The following ARID1A variants were observed in gnomAD, a reference collection of about 807,000 sequenced individuals.
ARID1A encodes the protein AT-rich interactive domain-containing protein 1A.
A neutral mutation model predicts 212.6 loss-of-function variants in ARID1A; 20 were observed. The ratio of observed to expected loss-of-function variants is 0.09; its 90% CI spans 0.07 to 0.14. The LOEUF is 0.14. Among genes scored for constraint, ARID1A ranks in the 10% least tolerant of loss-of-function variants. ARID1A has a pLI of 1.00. For missense variants in ARID1A, 2,587 were observed against 3,059.0 expected, an observed-to-expected ratio of 0.85 and a Z score of 3.64; for synonymous variants, 1,376 against 1,222.1, an observed-to-expected ratio of 1.13 and a Z score of -2.63.
At chr1:26,777,393 ATT>A (rs773418013) in intron 19 of ARID1A, among the ~76,000 whole-genome samples, 33 of 136,274 alleles carry the variant, frequency 2.4e-4, no homozygotes, top group Admixed American at 2.2e-4. Flanking sequence ...TGCTCAGCTA[ATT>A]TTTTTTTTTT....
chr1:26,756,239 C>T (rs2124036934), intron 4 of ARID1A, among the ~76,000 whole-genome samples: 1 of 151,842 alleles, frequency 6.6e-6, no homozygotes, highest in East Asian at 1.9e-4. Context: ...TGGCAAGGCC[C>T]CATCTCTACA....
At position 26,697,058 on chromosome 1, in the gene ARID1A, C is replaced by T; in HGVS notation, c.655C>T (p.Arg219Cys). The T allele has an allele frequency of 6.6e-7, 1 of 1,525,990 alleles. No homozygotes were observed. The highest frequency in any genetic ancestry group is 8.8e-7 in the Non-Finnish European group (1 of 1,140,928). 94.5% of individuals were successfully genotyped at this position (1,525,990 alleles called of 1,614,324 possible). The change falls in exon 1 of 20, where the codon CGC becomes TGC. Residue 219 changes from arginine (R) to cysteine (C), a missense_variant. Physicochemically the swap from Arg to Cys is radical, Grantham distance 180. Transcript: ENST00000324856. ...CCAGTACAACTCCTACTACCCCAACCGCAGCGCCTACCCCCCGCCCGCCCC... is the reference window on the plus strand; with the variant it reads ...CCAGTACAACTCCTACTACCCCAACTGCAGCGCCTACCCCCCGCCCGCCCC... The part of the protein sequence containing the change: ...NHQYNSYYPN[R>C]SAYPPPAPAY...
intron 1 of ARID1A, chr1:26,727,857 T>C (rs1300333633): frequency 4.6e-5 from 7 of 152,216 alleles, no homozygotes; most frequent in African/African-American, 1.7e-4. Context: ...GTGTGATATG[T>C]GGCATGATAT....
At chr1:26,762,502 C>T (rs1288169132) in intron 7 of ARID1A, among the ~76,000 whole-genome samples, 183 bp downstream of exon 7, 1 of 152,170 alleles carries the variant, frequency 6.6e-6, no homozygotes, top group Admixed American at 6.5e-5. Context: ...TATTCTGTCA[C>T]CATGAGAAAG....
chr1:26,734,779 C>T (rs2080713449), intron 4 of ARID1A, among the ~76,000 whole-genome samples: 1 of 152,198 alleles, frequency 6.6e-6, no homozygotes, highest in African/African-American at 2.4e-5. Flanking sequence ...GAGCCCTCTC[C>T]TTTCTTAACC....
rs770029128 is a variant in ARID1A, at chr1:26,731,553, T to C, written c.1752T>C (p.Ser584=). ...AGGCTGCGTATCCTCAGCCCCAGTC[T>C]CAGCAGTCCCAGCAAACTGCCTATT... ...SQQAAYPQPQ[S]QQSQQTAYSQ... Residue 584 remains serine (S), a synonymous_variant, in exon 3 of 20, where the codon TCT becomes TCC. Transcript: ENST00000324856. 6.2e-7 allele frequency: 1 copy of C among 1,614,092 alleles called. No individual in the cohort carries two copies. The highest frequency in any genetic ancestry group is 8.5e-7 in the Non-Finnish European group (1 of 1,180,016).
At chr1:26,710,534 G>C (rs1410019459) in intron 1 of ARID1A, among the ~76,000 whole-genome samples, 7 of 40,412 alleles carry the variant, frequency 1.7e-4, no homozygotes, top group African/African-American at 6.5e-4. Context: ...CACACCACTT[G>C]TTGTTCCAGC....
In ARID1A at chr1:26,697,093, G is replaced by T; in HGVS notation, c.690G>T (p.Ala230=). The change falls in exon 1 of 20, where the codon GCG becomes GCT. Residue 230 remains alanine, a synonymous_variant. Coordinates refer to ENST00000324856, the MANE Select transcript of ARID1A (RefSeq NM_006015.6). ...SAYPPPAPAY[A]LSSPRGGTPG... The stretch of plus-strand genomic sequence containing the variant: ...ACCCCCCGCCCGCCCCGGCCTACGC[G>T]CTGAGCTCCCCGAGAGGTGGCACTC... The T allele has an allele frequency of 6.8e-7, 1 of 1,477,862 alleles. No individual in the cohort carries two copies. The highest frequency in any genetic ancestry group is 8.9e-7 in the Non-Finnish European group (1 of 1,118,350). The allele number at this position is 1,477,862 out of a possible 1,614,324, so 91.5% of individuals were successfully genotyped here. A position where few individuals can be genotyped will look rare whatever the true frequency, so the allele number is the denominator to read the frequency against.
At chr1:26,735,073 A>G (rs544387911) in intron 4 of ARID1A, among the ~76,000 whole-genome samples, 5 of 151,566 alleles carry the variant, frequency 3.3e-5, no homozygotes, top group African/African-American at 7.3e-5. Context: ...CTATATTTAA[A>G]CCTCTCAATT....
chr1:26,745,060 C>T (rs1269360930), intron 4 of ARID1A, among the ~76,000 whole-genome samples: 2 of 152,108 alleles, frequency 1.3e-5, no homozygotes, highest in African/African-American at 4.8e-5. Flanking sequence ...GATTTCTGTA[C>T]TGGACCCTAG....
At chr1:26,729,936 T>C (rs1221332480) in intron 2 of ARID1A, 73 bp downstream of exon 2, 1 of 1,531,856 alleles carries the variant, frequency 6.5e-7, no homozygotes, top group African/African-American at 1.4e-5. Context: ...AGAATCAGAA[T>C]GTATCCTTGG....
At position 26,771,422 on chromosome 1, in the gene ARID1A, T is replaced by A; in HGVS notation, c.3406+96T>A. 3 of 1,312,074 alleles carry A rather than the reference T, an allele frequency of 2.3e-6. No individual in the cohort carries two copies. Among genetic ancestry groups the A allele is most frequent in the Non-Finnish European group, 3.2e-6 (3 of 940,172 alleles). The allele number at this position is 1,312,074 out of a possible 1,614,324, so 81.3% of individuals were successfully genotyped here. ...AATAAGAGGCTTATCCAACAGGATA[T>A]GCCAAGGATCTGTGCTCTGCCTTGC... On this transcript the variant is annotated intron_variant, in intron 12 of 19. Coordinates refer to ENST00000324856, the MANE Select transcript of ARID1A (RefSeq NM_006015.6). The surrounding 1 kb of genome is among the most constrained non-coding windows in gnomAD (Gnocchi z 5.4).
In ARID1A at chr1:26,756,771, C is replaced by T. The variant is rs12030876; in HGVS notation, c.1921-4085C>T. Among the ~76,000 whole-genome samples the T allele has an allele frequency of 5.3e-5, 8 of 151,572 alleles. No homozygotes were observed. The East Asian group carries it at 1.2e-3, about 23-fold the overall frequency. The stretch of plus-strand genomic sequence containing the variant: ...AGGCTGGAGTGCAGTGGCACAATCT[C>T]GGCTCACTGCAAGCTGCGCCTTCCA... On this transcript the variant is annotated intron_variant, in intron 4 of 19. Transcript: ENST00000324856.
intron 1 of ARID1A, among the ~76,000 whole-genome samples, chr1:26,701,110 T>C (rs1364181077): frequency 2.0e-5 from 3 of 152,194 alleles, no homozygotes; most frequent in Non-Finnish European, 4.4e-5. Context: ...ATGTCTACAG[T>C]AGACCTTTTG....
At chr1:26,727,615 G>A (rs912894418) in intron 1 of ARID1A, 3 of 152,298 alleles carry the variant, frequency 2.0e-5, no homozygotes, top group African/African-American at 4.8e-5. Flanking sequence ...TCTAGGGAGA[G>A]GCCTAGCCAT....
rs2080985700 is a variant in ARID1A at position 26,760,930 on chromosome 1, G to A, written c.1995G>A (p.Gly665=). ...GALSPGVSTS[G]ISSSQGEQSN... is the part of the protein sequence containing the mutation. ...TGAGTCCTGGAGTGAGCACATCAGG[G>A]ATTTCCAGCAGCCAAGGAGAGCAGA... is the stretch of plus-strand genomic sequence containing the variant. The change falls in exon 5 of 20, where the codon GGG becomes GGA. Residue 665 remains glycine, a synonymous_variant. Transcript: ENST00000324856. 1.9e-6 allele frequency: 3 copies of A among 1,613,994 alleles called. No homozygotes were observed. The Admixed American group carries it at 5.0e-5, about 27-fold the overall frequency.
At chr1:26,776,549 A>G (rs2081138147) in intron 19 of ARID1A, among the ~76,000 whole-genome samples, 1 of 152,288 alleles carries the variant, frequency 6.6e-6, no homozygotes, top group Middle Eastern at 3.4e-3. Context: ...CTGGGATTAC[A>G]GGCGTGAGCA....
At position 26,771,449 on chromosome 1, in the gene ARID1A, C is replaced by CTGTGG; in HGVS notation, c.3406+124_3406+125insGTGGT. ...CCAAGGATCTGTGCTCTGCCTTGCC[C>CTGTGG]TACCACAGGGCTTAACAGGTTGGCT... On this transcript the variant is annotated intron_variant, in intron 12 of 19. Transcript: ENST00000324856. This position sits in a 1 kb window ranked among gnomAD's most constrained non-coding sequence, Gnocchi z 5.4. 2 of 1,118,172 alleles carry CTGTGG rather than the reference C, an allele frequency of 1.8e-6. No homozygotes were observed. The highest frequency in any genetic ancestry group is 2.5e-6 in the Non-Finnish European group (2 of 785,864). 69.3% of individuals were successfully genotyped at this position (1,118,172 alleles called of 1,614,324 possible).
Position 26,772,492 on chromosome 1 carries a change from G to C in ARID1A, c.3407-8G>C, listed in dbSNP as rs375480693. 2.4e-5 allele frequency: 39 copies of C among 1,614,042 alleles called. No individual in the cohort carries two copies. The African/African-American group carries it at 3.6e-4, about 15-fold the overall frequency. The stretch of plus-strand genomic sequence containing the variant: ...AGCAAACTACTCAACTTGTATCTCT[G>C]TCCACAGCGGGATCAGGATCTATGC... On this transcript the variant is annotated splice_region_variant and splice_polypyrimidine_tract_variant and intron_variant, in intron 12 of 19. Transcript: ENST00000324856.
Sources: allele counts gnomAD v4.1 joint callset (sites outside exome capture counted in the v4.1 genomes callset), GRCh38; gene constraint gnomAD v4.1.1; non-coding constraint Gnocchi (gnomAD v3.1); transcripts MANE v1.5; gene names NCBI Gene and HGNC (gene_info 2026-07-23, HGNC 2026-07-21).